The following VDAC3 variants were observed in gnomAD, a reference collection of about 807,000 sequenced individuals.
VDAC3 encodes voltage dependent anion channel 3.
Under a neutral mutation model 33.9 loss-of-function variants are expected in VDAC3, and 7 were observed. The ratio of observed to expected loss-of-function variants is 0.21; its 90% CI spans 0.12 to 0.39. The LOEUF is 0.39. Among genes scored for constraint, VDAC3 ranks in the 10% least tolerant of loss-of-function variants. The pLI is 1.00. For missense variants in VDAC3, 261 were observed against 334.5 expected (o/e 0.78, Z 1.71); for synonymous variants, 100 against 122.4 (o/e 0.82, Z 1.21).
intron 8 of VDAC3, among the ~76,000 whole-genome samples, chr8:42,403,737 G>A (rs1157594843): frequency 3.3e-5 from 5 of 152,216 alleles, no homozygotes; most frequent in Admixed American, 6.5e-5. Flanking sequence ...TTAGGTGGGC[G>A]TGGTAGGTGA....
chr8:42,404,971 G>A, intron 9 of VDAC3, 47 bp downstream of exon 9: 2 of 1,557,930 alleles, frequency 1.3e-6, no homozygotes, highest in Non-Finnish European at 1.8e-6. Context: ...GAAGGTGATA[G>A]AGAAAACAAT....
chr8:42,401,784 G>T lies in VDAC3; in HGVS notation c.324-4G>T. 1 of 1,613,586 alleles carries T rather than the reference G, an allele frequency of 6.2e-7. No individual in the cohort carries two copies. Among genetic ancestry groups the T allele is most frequent in the Non-Finnish European group, 8.5e-7 (1 of 1,179,560 alleles). On this transcript the variant is annotated splice_region_variant and splice_polypyrimidine_tract_variant and intron_variant, in intron 6 of 9. Coordinates refer to ENST00000022615, the MANE Select transcript of VDAC3 (RefSeq NM_005662.7). The stretch of plus-strand genomic sequence containing the variant: ...ATTTGCTTTTGTTTGTTTGTTTATT[G>T]CAGAAAGAAGAGTGGGAAATTGAAG...
intron 4 of VDAC3, among the ~76,000 whole-genome samples, chr8:42,397,883 A>G (rs1802343432): frequency 6.6e-6 from 1 of 152,342 alleles, no homozygotes; most frequent in African/African-American, 2.4e-5. Flanking sequence ...ACTGTACTTA[A>G]TGCCACTTCA....
At chr8:42,398,663 T>C (rs761531689) in intron 4 of VDAC3, 49 bp from the exon 5 acceptor site, 31 of 1,581,432 alleles carry the variant, frequency 2.0e-5, no homozygotes, top group Non-Finnish European at 2.6e-5. Flanking sequence ...GTGAATATTT[T>C]CTATTTGATG....
intron 4 of VDAC3, 64 bp downstream of exon 4, chr8:42,395,197 C>T (rs1333739458): frequency 5.0e-6 from 8 of 1,599,838 alleles, no homozygotes; most frequent in Non-Finnish European, 6.8e-6. Context: ...TGTTTAAAAT[C>T]ATGACAGTCT....
chr8:42,400,452 A>G (rs987272203), intron 6 of VDAC3, among the ~76,000 whole-genome samples: 28 of 151,678 alleles, frequency 1.8e-4, no homozygotes, highest in Middle Eastern at 3.4e-3. Context: ...TCTGCTGCCT[A>G]CTTGATTTCT....
At chr8:42,403,131 T>A in intron 7 of VDAC3, 180 bp from the exon 8 acceptor site, 1 of 642,350 alleles carries the variant, frequency 1.6e-6, no homozygotes, top group Non-Finnish European at 2.6e-6. Context: ...AAGCAGTCAT[T>A]ACTGGCATAG....
At position 42,399,633 on chromosome 8, in the gene VDAC3, T is replaced by A; in HGVS notation, c.271-18T>A. The A allele has an allele frequency of 6.2e-7, 1 of 1,604,166 alleles. No individual in the cohort carries two copies. The highest frequency in any genetic ancestry group is 8.5e-7 in the Non-Finnish European group (1 of 1,173,298). ...ATTGAAAATTACTAATTATTTATTT[T>A]AAATCTTTGTTTTTCAGTTGGCTGA... On this transcript the variant is annotated intron_variant, in intron 5 of 9. Transcript: ENST00000022615.
intron 5 of VDAC3, among the ~76,000 whole-genome samples, chr8:42,399,076 C>G (rs1802370699): frequency 6.6e-6 from 1 of 151,952 alleles, no homozygotes; most frequent in South Asian, 2.1e-4. Flanking sequence ...TTTGTTCTGA[C>G]TGGTTCTCTG....
intron 7 of VDAC3, among the ~76,000 whole-genome samples, chr8:42,402,788 C>T (rs556454369): frequency 6.6e-6 from 1 of 152,136 alleles, no homozygotes; most frequent in East Asian, 1.9e-4. Flanking sequence ...TGTGAAAACC[C>T]AAGGACTCAC....
Position 42,399,716 on chromosome 8 carries a change from A to G in VDAC3, c.323+13A>G, listed in dbSNP as rs774178446. On this transcript the variant is annotated intron_variant, in intron 6 of 9. Transcript: ENST00000022615. ...TACCGAACACAGGGTAATTATTCAAATCCCATTTCCTGAAACGTTTTTGGA... is the reference window on the plus strand; with the variant it reads ...TACCGAACACAGGGTAATTATTCAAGTCCCATTTCCTGAAACGTTTTTGGA... The G allele has an allele frequency of 1.9e-6, 3 of 1,611,318 alleles. No individual in the cohort carries two copies. Among genetic ancestry groups the G allele is most frequent in the Non-Finnish European group, 8.5e-7 (1 of 1,178,350 alleles).
At chr8:42,405,256 A>G (rs1317169848) in intron 9 of VDAC3, 115 bp from the exon 10 acceptor site, 9 of 797,814 alleles carry the variant, frequency 1.1e-5, no homozygotes, top group African/African-American at 1.7e-5. Context: ...CTGTTTGCTT[A>G]TAGCTCGTAT....
At chr8:42,404,573 T>G (rs1802467961) in intron 8 of VDAC3, among the ~76,000 whole-genome samples, 1 of 151,782 alleles carries the variant, frequency 6.6e-6, no homozygotes, top group African/African-American at 2.4e-5. Context: ...AAATACAAAA[T>G]TAGCCGGGCA....
intron 1 of VDAC3, among the ~76,000 whole-genome samples, chr8:42,392,506 A>G (rs575945625): frequency 2.6e-5 from 4 of 152,200 alleles, no homozygotes; most frequent in South Asian, 4.1e-4. Flanking sequence ...CTCGAGGAAC[A>G]TGAAGTTTCT....
At chr8:42,401,671 C>T (rs1353114849) in intron 6 of VDAC3, 117 bp from the exon 7 acceptor site, 1 of 920,820 alleles carries the variant, frequency 1.1e-6, no homozygotes, top group Non-Finnish European at 1.7e-6. Context: ...GTGGCATGTA[C>T]CAAAATAATA....
At chr8:42,394,078 A>G (rs1802255924) in intron 2 of VDAC3, 132 bp from the exon 3 acceptor site, 6 of 767,726 alleles carry the variant, frequency 7.8e-6, no homozygotes, top group Non-Finnish European at 1.4e-5. Flanking sequence ...CTTTGATTGC[A>G]TTAAAGCATT....
chr8:42,397,698 C>G (rs1475223703), intron 4 of VDAC3: 1 of 151,992 alleles, frequency 6.6e-6, no homozygotes, highest in East Asian at 1.9e-4. Flanking sequence ...TTCATAGTAA[C>G]TGTTTGATAG....
chr8:42,403,311 G>A lies in VDAC3; in HGVS notation c.552G>A (p.Val184=), dbSNP rs1802448548. 6.2e-7 allele frequency: 1 copy of A among 1,613,950 alleles called. No individual in the cohort carries two copies. Among genetic ancestry groups the A allele is most frequent in the Non-Finnish European group, 8.5e-7 (1 of 1,179,994 alleles). The change falls in exon 8 of 10, where the codon GTG becomes GTA. Residue 184 remains valine (V), a splice_region_variant and synonymous_variant. Transcript: ENST00000022615. ...GACGTTTTCTTATCTATGAAAACAG[G>A]AACGATGGCACTGAATTTGGAGGTT... ...KAADFQLHTH[V]NDGTEFGGSI... is the part of the protein sequence containing the mutation.
At chr8:42,392,424 C>CTGTGCAG (rs1339905135) in intron 1 of VDAC3, among the ~76,000 whole-genome samples, 1 of 152,274 alleles carries the variant, frequency 6.6e-6, no homozygotes, top group Non-Finnish European at 1.5e-5. Context: ...CCTGCAGCCT[C>CTGTGCAG]TGTGCAGTGT....
Sources: gnomAD v4.1 joint callset for allele counts (sites outside exome capture counted in the v4.1 genomes callset) on GRCh38, gnomAD v4.1.1 for gene constraint, MANE v1.5 for transcripts, NCBI Gene and HGNC (gene_info 2026-07-23, HGNC 2026-07-21) for gene names.